CHUK: variants seen among roughly 807,000 people sequenced by gnomAD.
CHUK encodes the protein inhibitor of nuclear factor kappa-B kinase subunit alpha.
Under a neutral mutation model 104.8 loss-of-function variants are expected in CHUK, and 35 were observed. The ratio of observed to expected loss-of-function variants is 0.33; its 90% CI spans 0.26 to 0.44. The LOEUF is 0.44. CHUK is among the 20% of genes least tolerant of loss of function. CHUK has a pLI of 1.00. For synonymous variants in CHUK, 276 were observed against 291.9 expected, an observed-to-expected ratio of 0.95 and a Z score of 0.56; for missense variants, 663 against 902.7, an observed-to-expected ratio of 0.73 and a Z score of 3.40.
intron 9 of CHUK, among the ~76,000 whole-genome samples, chr10:100,211,847 C>G (rs1845735310): frequency 6.6e-6 from 1 of 151,796 alleles, no homozygotes; most frequent in African/African-American, 2.4e-5. Flanking sequence ...GGATATATAC[C>G]AAGAAATGAC....
intron 13 of CHUK, among the ~76,000 whole-genome samples, chr10:100,202,929 A>C (rs17883746): frequency 0.014 from 2,173 of 151,982 alleles, 56 homozygotes; most frequent in African/African-American, 0.048. Context: ...GCTAATTTTT[A>C]CATTTTTTGT....
rs1319307272 is a variant in CHUK, at chr10:100,205,125, C to T, written c.1306G>A (p.Gly436Arg). ...VWAEAVHYVS[G>R]LKEDYSRLFQ... is the part of the protein sequence containing the mutation. ...AGCCTGCTATAGTCTTCTTTTAGTC[C>T]AGACACATAGTGCACTGCTTCAGCC... is the stretch of plus-strand genomic sequence containing the variant. The change falls in exon 12 of 21, where the codon GGA becomes AGA. Residue 436 changes from glycine (G) to arginine (R), a missense_variant. Gly to Arg is a moderately radical substitution (Grantham distance 125). Transcript: ENST00000370397. 1.9e-6 allele frequency: 3 copies of T among 1,613,924 alleles called. No homozygotes were observed. Among genetic ancestry groups the T allele is most frequent in the Admixed American group, 3.3e-5 (2 of 60,002 alleles).
downstream of CHUK, chr10:100,186,755 G>C (rs973873767): frequency 6.6e-6 from 1 of 152,206 alleles, no homozygotes; most frequent in Non-Finnish European, 1.5e-5. Flanking sequence ...AAAAGGGAAG[G>C]AAAAAGGTAT....
chr10:100,224,300 C>T (rs953326285), intron 2 of CHUK, among the ~76,000 whole-genome samples: 4 of 152,168 alleles, frequency 2.6e-5, no homozygotes, highest in Non-Finnish European at 2.9e-5. Context: ...ACTGCAGCTC[C>T]GACCAATATC....
chr10:100,196,389 T>G (rs995390532), intron 16 of CHUK, among the ~76,000 whole-genome samples: 2 of 150,910 alleles, frequency 1.3e-5, no homozygotes, highest in South Asian at 2.1e-4. Flanking sequence ...CTCTGGGTTT[T>G]TTTTTTTTTT....
rs776589206 is a variant in CHUK, at chr10:100,194,027, C to T, written c.1931G>A (p.Gly644Glu). Residue 644 changes from glycine to glutamate, a missense_variant, in exon 18 of 21, where the codon GGA (glycine) becomes GAA (glutamate). By Grantham distance (98) the Gly-to-Glu change is moderately conservative (BLOSUM62 -2). Coordinates refer to ENST00000370397, the MANE Select transcript of CHUK (RefSeq NM_001278.5). ...ATGCCATATTTCTTTCTGCCTTTTT[C>T]CCTGCATGAACATGACAGTATTGTC... Reference protein sequence around the residue: ...EADNTVMFMQGKRQKEIWHLL... With the variant: ...EADNTVMFMQEKRQKEIWHLL... The T allele has an allele frequency of 6.2e-7, 1 of 1,613,902 alleles. No homozygotes were observed. The highest frequency in any genetic ancestry group is 2.2e-5 in the East Asian group (1 of 44,874).
intron 19 of CHUK, among the ~76,000 whole-genome samples, chr10:100,191,175 C>T (rs1415951405): frequency 6.6e-6 from 1 of 152,210 alleles, no homozygotes; most frequent in African/African-American, 2.4e-5. Flanking sequence ...TCTACCTCTA[C>T]CTAACTAATG....
At chr10:100,193,164 T>C in intron 19 of CHUK, 134 bp downstream of exon 19, 1 of 982,558 alleles carries the variant, frequency 1.0e-6, no homozygotes, top group Non-Finnish European at 1.6e-6. Context: ...GTAAGTTGCC[T>C]AAGATTATTA....
At chr10:100,209,293 C>T (rs1267078372) in intron 10 of CHUK, among the ~76,000 whole-genome samples, 1 of 152,196 alleles carries the variant, frequency 6.6e-6, no homozygotes, top group East Asian at 1.9e-4. Flanking sequence ...AAACTCCCAT[C>T]TCTCCCAATT....
In CHUK at chr10:100,222,125, T is replaced by A; in HGVS notation, c.372A>T (p.Leu124Phe). ...CGLKESQILS[L>F]LSDIGSGIRY... ...ACTGATACGTACCTATATCACTTAG[T>A]AAAGAAAGTATCTGGCTTTCTTTAA... is the stretch of plus-strand genomic sequence containing the variant. The change falls in exon 4 of 21, where the codon TTA (leucine) becomes TTT (phenylalanine). Residue 124 changes from leucine (L) to phenylalanine (F), a missense_variant. Leu to Phe is a conservative substitution (Grantham distance 22). This residue lies in a region of CHUK where 200 missense variants were observed against 333.0 expected (regional missense o/e 0.60). Coordinates refer to ENST00000370397, the MANE Select transcript of CHUK (RefSeq NM_001278.5). The A allele has an allele frequency of 6.4e-7, 1 of 1,561,900 alleles. No homozygotes were observed. The highest frequency in any genetic ancestry group is 8.8e-7 in the Non-Finnish European group (1 of 1,133,538).
intron 12 of CHUK, 89 bp downstream of exon 12, chr10:100,204,987 G>T: frequency 7.0e-7 from 1 of 1,433,280 alleles, no homozygotes; most frequent in Non-Finnish European, 9.8e-7. Flanking sequence ...ACTATTACAT[G>T]CAATATTGAT....
In CHUK at chr10:100,199,849, A is replaced by G. The variant is rs147235656; in HGVS notation, c.1729+122T>C. On this transcript the variant is annotated intron_variant, in intron 16 of 20. Transcript: ENST00000370397. ...ACCATGTCTCAATGGCAATACCAAA[A>G]CTGGAATTTATTCTGCAGCTTTAAG... The G allele has an allele frequency of 5.9e-4, 452 of 769,740 alleles. 4 individuals carry two copies. In the African/African-American group the frequency reaches 7.0e-3, roughly 12 times the overall value. The allele number at this position is 769,740 out of a possible 1,614,324, so 47.7% of individuals were successfully genotyped here. A position where few individuals can be genotyped will look rare whatever the true frequency, so the allele number is the denominator to read the frequency against.
chr10:100,210,080 TTTA>T (rs1179559451), intron 9 of CHUK, among the ~76,000 whole-genome samples: 41 of 131,152 alleles, frequency 3.1e-4, no homozygotes, highest in African/African-American at 1.5e-3. Context: ...TATTTATTTA[TTTA>T]TTTATTTATT....
chr10:100,221,866 G>C (rs541689950), intron 4 of CHUK, among the ~76,000 whole-genome samples: 7 of 152,308 alleles, frequency 4.6e-5, no homozygotes, highest in African/African-American at 1.7e-4. Context: ...TTGAACTCCT[G>C]ACCTTGTGAT....
chr10:100,222,229 T>C, intron 3 of CHUK, 48 bp from the exon 4 acceptor site: 1 of 962,764 alleles, frequency 1.0e-6, no homozygotes, highest in Non-Finnish European at 1.7e-6. Flanking sequence ...ATTGCTGGGC[T>C]GCAATAGTGA....
chr10:100,222,234 T>C (rs1846007242), intron 3 of CHUK, 53 bp from the exon 4 acceptor site: 4 of 893,344 alleles, frequency 4.5e-6, no homozygotes, highest in African/African-American at 1.6e-5. Context: ...TGGGCTGCAA[T>C]AGTGACCACA....
At position 100,208,782 on chromosome 10, in the gene CHUK, T is replaced by TAAAAAAA. The variant is rs56149905; in HGVS notation, c.1128+806_1128+812dup. The stretch of plus-strand genomic sequence containing the variant: ...GCCTGGGCAACAGAGCAAGACTGTC[T>TAAAAAAA]AAAAAAAAAAAAAACTGGAAGAGCC... On this transcript the variant is annotated intron_variant, in intron 10 of 20. Coordinates refer to ENST00000370397, the MANE Select transcript of CHUK (RefSeq NM_001278.5). Among the ~76,000 whole-genome samples the TAAAAAAA allele has an allele frequency of 3.8e-3, 471 of 125,504 alleles. 9 individuals carry two copies. Among genetic ancestry groups the TAAAAAAA allele is most frequent in the African/African-American group, 0.014 (451 of 31,262 alleles). 82.3% of individuals were successfully genotyped at this position (125,504 alleles called of 152,430 possible).
chr10:100,218,639 T>C, intron 8 of CHUK, 79 bp downstream of exon 8: 3 of 944,904 alleles, frequency 3.2e-6, no homozygotes, highest in Non-Finnish European at 5.2e-6. Context: ...TAATGCAACT[T>C]GAAACAGACA....
downstream of CHUK, chr10:100,186,762 G>A (rs1027128164): frequency 3.9e-5 from 6 of 152,206 alleles, no homozygotes; most frequent in African/African-American, 1.4e-4. Context: ...AAGGAAAAAG[G>A]TATAGTTGGG....
Sources: allele counts gnomAD v4.1 joint callset (sites outside exome capture counted in the v4.1 genomes callset), GRCh38; gene constraint gnomAD v4.1.1; regional missense constraint gnomAD v4.1.1; transcripts MANE v1.5; gene names NCBI Gene and HGNC (gene_info 2026-07-23, HGNC 2026-07-21).